Variants in GRM7 observed in about 807,000 individuals in gnomAD.
The protein encoded by GRM7 is glutamate metabotropic receptor 7.
A neutral mutation model predicts 84.5 loss-of-function variants in GRM7; 35 were observed. That is an observed-to-expected ratio of 0.41 (90% confidence interval 0.32 to 0.55). The LOEUF is 0.55. Ranked by LOEUF, GRM7 falls within the 20% of genes least tolerant of loss-of-function variation. The pLI, the probability that GRM7 is intolerant of heterozygous loss-of-function variation, is 0.19. For synonymous variants in GRM7, 487 were observed against 455.1 expected (o/e 1.07, Z -0.89); for missense variants, 1,003 against 1,194.6 (o/e 0.84, Z 2.36).
chr3:7,032,541 C>T (rs956495605), intron 1 of GRM7, among the ~76,000 whole-genome samples: 1 of 152,132 alleles, frequency 6.6e-6, no homozygotes, highest in African/African-American at 2.4e-5. Flanking sequence ...TTCTTCACAT[C>T]AAGCAAAGAT....
chr3:7,656,524 T>TAC (rs1699193493), intron 8 of GRM7, among the ~76,000 whole-genome samples: 2 of 67,210 alleles, frequency 3.0e-5, no homozygotes, highest in African/African-American at 1.2e-4. Context: ...TAAAAAAAAA[T>TAC]ATATATATAT....
chr3:7,601,540 G>A (rs1345110764), intron 8 of GRM7, among the ~76,000 whole-genome samples: 5 of 152,096 alleles, frequency 3.3e-5, no homozygotes, highest in African/African-American at 4.8e-5. Context: ...AACCTTCTGA[G>A]GCTCAATGCT....
chr3:7,503,913 C>A (rs2124968497), intron 7 of GRM7, among the ~76,000 whole-genome samples: 1 of 152,270 alleles, frequency 6.6e-6, no homozygotes, highest in South Asian at 2.1e-4. Context: ...TATTGCCTCA[C>A]ATGCTACCAA....
At chr3:7,048,548 T>A (rs1220332186) in intron 1 of GRM7, among the ~76,000 whole-genome samples, 1 of 151,978 alleles carries the variant, frequency 6.6e-6, no homozygotes, top group African/African-American at 2.4e-5. Flanking sequence ...GTAACAGATT[T>A]ATAGCTTTAG....
chr3:7,532,193 G>A (rs1039239820), intron 7 of GRM7, among the ~76,000 whole-genome samples: 2 of 152,126 alleles, frequency 1.3e-5, no homozygotes, highest in African/African-American at 4.8e-5. Flanking sequence ...CAGAAGGAAT[G>A]GTACCAGCTC....
chr3:7,429,169 G>A (rs1321178617), intron 5 of GRM7, among the ~76,000 whole-genome samples: 7 of 152,100 alleles, frequency 4.6e-5, no homozygotes, highest in South Asian at 2.1e-4. Context: ...AAATGTTGAC[G>A]ATAATAATAA....
chr3:7,339,125 G>A (rs941184383), intron 4 of GRM7, among the ~76,000 whole-genome samples: 1 of 152,164 alleles, frequency 6.6e-6, no homozygotes, highest in Admixed American at 6.5e-5. Context: ...GTTCTAGGTA[G>A]GGATATGATT....
chr3:7,007,074 T>C (rs548621145), intron 1 of GRM7, among the ~76,000 whole-genome samples: 42 of 152,178 alleles, frequency 2.8e-4, no homozygotes, highest in Non-Finnish European at 5.4e-4. Context: ...TTCAAGGTAT[T>C]TCTCCTTCGG....
At chr3:7,538,267 G>A (rs562002650) in intron 7 of GRM7, among the ~76,000 whole-genome samples, 5 of 152,058 alleles carry the variant, frequency 3.3e-5, no homozygotes, top group Non-Finnish European at 5.9e-5. Context: ...GCGCAACCAC[G>A]CCCAGCTAAT....
intron 2 of GRM7, among the ~76,000 whole-genome samples, chr3:7,235,912 C>T (rs1428806206): frequency 6.6e-6 from 1 of 152,162 alleles, no homozygotes; most frequent in Non-Finnish European, 1.5e-5. Context: ...GTGCCTGCTG[C>T]TATAAGAAAA....
At chr3:7,160,001 G>A (rs531951640) in intron 2 of GRM7, among the ~76,000 whole-genome samples, 1 of 152,214 alleles carries the variant, frequency 6.6e-6, no homozygotes, top group African/African-American at 2.4e-5. Flanking sequence ...TAAGAAATCT[G>A]GCTAAAGGTC....
intron 7 of GRM7, among the ~76,000 whole-genome samples, chr3:7,546,889 GTAACT>G (rs1693180894): frequency 6.6e-6 from 1 of 152,318 alleles, no homozygotes; most frequent in African/African-American, 2.4e-5. Context: ...CGATGTTAGA[GTAACT>G]TAATAAGCCA....
At chr3:7,656,893 A>G (rs1699226729) in intron 8 of GRM7, among the ~76,000 whole-genome samples, 2 of 152,180 alleles carry the variant, frequency 1.3e-5, no homozygotes, top group Non-Finnish European at 2.9e-5. Context: ...TTCCTTAGCA[A>G]TGGGGGAGGT....
Position 7,209,981 on chromosome 3 carries a change from A to G in GRM7, c.736+63313A>G, listed in dbSNP as rs188641042. On this transcript the variant is annotated intron_variant, in intron 2 of 9. Transcript: ENST00000357716. ...CCAAGCCGTAAAACATTTAAGCAAG[A>G]TTGTCTGGCAGCATGTACTAACTCA... is the stretch of plus-strand genomic sequence containing the variant. Among the ~76,000 whole-genome samples, 5 of 152,264 alleles carry G rather than the reference A, an allele frequency of 3.3e-5. 1 individual carries two copies. The highest frequency in any genetic ancestry group is 7.2e-5 in the African/African-American group (3 of 41,544).
chr3:7,735,728 G>C (rs917549166), intron 9 of GRM7, among the ~76,000 whole-genome samples: 1 of 152,076 alleles, frequency 6.6e-6, no homozygotes. Flanking sequence ...AGTTCACTAT[G>C]GTCTGTATCC....
intron 7 of GRM7, chr3:7,519,883 GGCTGGCT>G (rs796520063): frequency 1.6e-4 from 24 of 152,850 alleles, no homozygotes; most frequent in Admixed American, 2.0e-4. Context: ...TGGTAGTTGA[GGCTGGCT>G]GCTGGCTGCT....
chr3:7,091,833 G>T (rs570886120), intron 1 of GRM7, among the ~76,000 whole-genome samples: 1 of 151,064 alleles, frequency 6.6e-6, no homozygotes, highest in Admixed American at 6.6e-5. Flanking sequence ...TATGCTACAT[G>T]GTACTTTATG....
At position 7,104,295 on chromosome 3, in the gene GRM7, C is replaced by T. The variant is rs151043857; in HGVS notation, c.520-42157C>T. On this transcript the variant is annotated intron_variant, in intron 1 of 9. Transcript: ENST00000357716. ...AAGACCAAAAAGGTTGACCTCTGCACACCAAGCAGAGGCCTTAACAGAACA... is the reference window on the plus strand; with the variant it reads ...AAGACCAAAAAGGTTGACCTCTGCATACCAAGCAGAGGCCTTAACAGAACA... 1.6e-4 allele frequency among the ~76,000 whole-genome samples: 25 copies of T among 151,734 alleles called. No individual in the cohort carries two copies. The East Asian group carries it at 4.7e-3, about 28-fold the overall frequency.
At chr3:7,720,699 G>A (rs1701916438) in intron 9 of GRM7, among the ~76,000 whole-genome samples, 1 of 152,168 alleles carries the variant, frequency 6.6e-6, no homozygotes, top group African/African-American at 2.4e-5. Flanking sequence ...GAGGTGATAG[G>A]TGCTAAAGAT....
Sources: allele counts gnomAD v4.1 joint callset (sites outside exome capture counted in the v4.1 genomes callset), GRCh38; gene constraint gnomAD v4.1.1; transcripts MANE v1.5; gene names NCBI Gene and HGNC (gene_info 2026-07-23, HGNC 2026-07-21).